The following CDC42BPB variants were observed in gnomAD, a reference collection of about 807,000 sequenced individuals.
CDC42BPB encodes the protein serine/threonine-protein kinase MRCK beta.
A neutral mutation model predicts 214.9 loss-of-function variants in CDC42BPB; 37 were observed. The observed-to-expected ratio is 0.17, with a 90% CI of 0.13 to 0.23. The LOEUF (loss-of-function observed/expected upper bound fraction) is 0.23, where lower values mean the gene tolerates loss of function less well. Ranked by LOEUF, CDC42BPB falls within the 10% of genes least tolerant of loss-of-function variation. The pLI is 1.00. For missense variants in CDC42BPB, 1,694 were observed against 2,227.0 expected, an observed-to-expected ratio of 0.76 and a Z score of 4.82; for synonymous variants, 931 against 884.0, an observed-to-expected ratio of 1.05 and a Z score of -0.94.
chr14:103,007,443 C>T (rs181814855), intron 3 of CDC42BPB, among the ~76,000 whole-genome samples: 14 of 152,302 alleles, frequency 9.2e-5, no homozygotes, highest in Non-Finnish European at 1.8e-4. Flanking sequence ...ATGGGCAGCA[C>T]AGGCACAAAT....
At chr14:102,956,871 A>G (rs763032048) in intron 21 of CDC42BPB, among the ~76,000 whole-genome samples, 1 of 150,102 alleles carries the variant, frequency 6.7e-6, no homozygotes, top group Non-Finnish European at 1.5e-5. Context: ...ATGTGTGCTT[A>G]TATCACAATT....
chr14:102,980,274 C>T (rs1893938913), intron 8 of CDC42BPB, among the ~76,000 whole-genome samples: 1 of 152,194 alleles, frequency 6.6e-6, no homozygotes, highest in Non-Finnish European at 1.5e-5. Flanking sequence ...GTGGGCGGAT[C>T]ATGTGGTCAG....
At chr14:102,942,345 G>C (rs1228533150) in intron 30 of CDC42BPB, among the ~76,000 whole-genome samples, 1 of 152,226 alleles carries the variant, frequency 6.6e-6, no homozygotes, top group African/African-American at 2.4e-5. Flanking sequence ...CGACGCCCTG[G>C]GTATGATGCC....
rs546461837 is a variant in CDC42BPB, at chr14:102,943,897, C to T, written c.4402G>A (p.Ala1468Thr). The change falls in exon 30 of 37, where the codon GCC becomes ACC. Residue 1468 changes from alanine to threonine, a missense_variant. Coordinates refer to ENST00000361246, the MANE Select transcript of CDC42BPB (RefSeq NM_006035.4). This position sits in a 1 kb window ranked among gnomAD's most constrained non-coding sequence, Gnocchi z 4.6. The part of the protein sequence containing the change: ...QELMWPAAPV[A>T]CSCSPTHVTV... ...ACAGAAAACATATACATACTACAGG[C>T]GACAGGAGCCGCAGGCCACATGAGC... The T allele has an allele frequency of 5.4e-5, 87 of 1,606,286 alleles. No individual in the cohort carries two copies. Among genetic ancestry groups the T allele is most frequent in the East Asian group, 3.8e-4 (17 of 44,748 alleles).
intron 1 of CDC42BPB, among the ~76,000 whole-genome samples, chr14:103,013,665 G>C (rs1286803089): frequency 5.3e-5 from 8 of 152,256 alleles, no homozygotes; most frequent in African/African-American, 9.6e-5. Context: ...GCCAAGTGGG[G>C]ATGGAGGCAG....
chr14:103,006,871 C>T (rs987547034), intron 3 of CDC42BPB, among the ~76,000 whole-genome samples: 3 of 152,172 alleles, frequency 2.0e-5, no homozygotes, highest in African/African-American at 7.2e-5. Flanking sequence ...TTTAAATGTA[C>T]TCATCCACCA....
At chr14:103,012,710 CAA>C (rs1338204331) in intron 1 of CDC42BPB, among the ~76,000 whole-genome samples, 1 of 152,046 alleles carries the variant, frequency 6.6e-6, no homozygotes, top group Non-Finnish European at 1.5e-5. Flanking sequence ...GAGGCTGACA[CAA>C]GAGAATCGTT....
chr14:103,008,678 C>T, intron 2 of CDC42BPB, 123 bp from the exon 3 acceptor site: 2 of 1,469,726 alleles, frequency 1.4e-6, no homozygotes, highest in South Asian at 1.4e-5. Flanking sequence ...TGACCGAAAG[C>T]CAAGTTTCCC....
intron 1 of CDC42BPB, among the ~76,000 whole-genome samples, chr14:103,023,474 A>G (rs1566910156): frequency 6.6e-6 from 1 of 151,954 alleles, no homozygotes; most frequent in Non-Finnish European, 1.5e-5. Flanking sequence ...GCAGTGGCTA[A>G]TTTTTTATTT....
At chr14:103,050,459 C>T (rs1888537403) in intron 1 of CDC42BPB, among the ~76,000 whole-genome samples, 1 of 152,156 alleles carries the variant, frequency 6.6e-6, no homozygotes, top group Admixed American at 6.5e-5. Flanking sequence ...GTTAACATGA[C>T]CTCCCCAAAT....
chr14:103,046,621 C>A (rs535916631), intron 1 of CDC42BPB, among the ~76,000 whole-genome samples: 2 of 152,170 alleles, frequency 1.3e-5, no homozygotes, highest in Non-Finnish European at 2.9e-5. Flanking sequence ...CTTCATGAAA[C>A]AGAAAGAGGA....
At chr14:103,023,215 TGGAGTGC>T (rs889582300) in intron 1 of CDC42BPB, among the ~76,000 whole-genome samples, 6 of 149,794 alleles carry the variant, frequency 4.0e-5, no homozygotes, top group South Asian at 2.1e-4. Flanking sequence ...TCACCCAGGC[TGGAGTGC>T]ACTGGCGCGA....
At chr14:102,937,040 ATTG>A (rs1891674563) in intron 36 of CDC42BPB, 1 of 152,200 alleles carries the variant, frequency 6.6e-6, no homozygotes. Flanking sequence ...AAACAAAAAA[ATTG>A]TTGTTTTGTG....
At chr14:102,951,340 G>GT (rs1892481622) in intron 24 of CDC42BPB, among the ~76,000 whole-genome samples, 2 of 152,344 alleles carry the variant, frequency 1.3e-5, no homozygotes, top group South Asian at 4.1e-4. Context: ...TCAGGAAGGC[G>GT]TGAGTGCTCA....
intron 21 of CDC42BPB, chr14:102,956,488 T>C (rs553481312): frequency 2.2e-6 from 2 of 921,548 alleles, no homozygotes; most frequent in East Asian, 1.2e-4. Context: ...CAGCCCCTGA[T>C]GGAGGGTTTT....
At chr14:102,948,042 G>A in intron 26 of CDC42BPB, 1 of 863,110 alleles carries the variant, frequency 1.2e-6, no homozygotes, top group African/African-American at 1.9e-5. Flanking sequence ...CATCCCCACT[G>A]TGCTGGTGCC....
Position 102,946,502 on chromosome 14 carries a change from A to T in CDC42BPB, c.3714T>A (p.Pro1238=), listed in dbSNP as rs752813821. The T allele has an allele frequency of 6.2e-7, 1 of 1,612,792 alleles. No individual in the cohort carries two copies. The highest frequency in any genetic ancestry group is 8.5e-7 in the Non-Finnish European group (1 of 1,179,962). Residue 1238 remains proline (P), a synonymous_variant, in exon 28 of 37, where the codon CCT becomes CCA. Coordinates refer to ENST00000361246, the MANE Select transcript of CDC42BPB (RefSeq NM_006035.4). ...VPLEAYDSSL[P]LIKAILTAAI... ...CAGCTGTCAGGATGGCCTTGATGAG[A>T]GGCAGCGAGCTGTCGTAGGCTTCCA...
chr14:102,935,013 C>CAAA (rs35596449), intron 36 of CDC42BPB, among the ~76,000 whole-genome samples: 2 of 71,350 alleles, frequency 2.8e-5, no homozygotes, highest in Admixed American at 2.9e-4. Flanking sequence ...GACTCTGTCT[C>CAAA]AAAAAAAAAA....
At chr14:103,028,527 C>T (rs1450650673) in intron 1 of CDC42BPB, among the ~76,000 whole-genome samples, 3 of 152,344 alleles carry the variant, frequency 2.0e-5, no homozygotes, top group South Asian at 2.1e-4. Flanking sequence ...ATACGCATCA[C>T]AGAAGATGTG....
Sources: gnomAD v4.1 joint callset for allele counts (sites outside exome capture counted in the v4.1 genomes callset) on GRCh38, gnomAD v4.1.1 for gene constraint, Gnocchi (gnomAD v3.1) non-coding constraint, MANE v1.5 for transcripts, NCBI Gene and HGNC (gene_info 2026-07-23, HGNC 2026-07-21) for gene names.